Variants in PRKG1 observed in about 807,000 individuals in gnomAD.
The protein encoded by PRKG1 is protein kinase cGMP-dependent 1.
In PRKG1, 35 loss-of-function variants were observed where a neutral mutation model predicts 88.1. The observed-to-expected ratio is 0.40, with a 90% CI of 0.30 to 0.53. The LOEUF is 0.53. Among genes scored for constraint, PRKG1 ranks in the 20% least tolerant of loss-of-function variants. PRKG1 has a pLI of 0.59. For missense variants in PRKG1, 540 were observed against 839.8 expected (o/e 0.64, Z 4.41); for synonymous variants, 303 against 292.5 (o/e 1.04, Z -0.37).
intron 3 of PRKG1, among the ~76,000 whole-genome samples, chr10:51,535,064 G>T (rs1410492187): frequency 6.6e-6 from 1 of 152,144 alleles, no homozygotes; most frequent in Non-Finnish European, 1.5e-5. Context: ...GGAAAGGATA[G>T]GGGTACTTTG....
intron 1 of PRKG1, among the ~76,000 whole-genome samples, chr10:51,094,639 T>C (rs1844486146): frequency 6.6e-6 from 1 of 151,864 alleles, no homozygotes; most frequent in Non-Finnish European, 1.5e-5. Context: ...CAGCGCTCCA[T>C]AAAAAAACGT....
At chr10:51,767,160 C>A (rs1215049775) in intron 3 of PRKG1, among the ~76,000 whole-genome samples, 3 of 152,118 alleles carry the variant, frequency 2.0e-5, no homozygotes, top group Non-Finnish European at 4.4e-5. Flanking sequence ...TTACACAGAT[C>A]TCCCCGTTTT....
chr10:51,876,522 T>C (rs1403117219), intron 4 of PRKG1, among the ~76,000 whole-genome samples: 1 of 152,252 alleles, frequency 6.6e-6, no homozygotes, highest in African/African-American at 2.4e-5. Flanking sequence ...TTTTTGTTTG[T>C]TTGCTTGCTT....
At chr10:51,858,369 A>C in intron 4 of PRKG1, among the ~76,000 whole-genome samples, 1 of 27,534 alleles carries the variant, frequency 3.6e-5, no homozygotes, top group South Asian at 1.5e-3. Context: ...ATTATATATA[A>C]TATATATAAA....
chr10:51,523,315 A>C (rs1481517745), intron 3 of PRKG1, among the ~76,000 whole-genome samples: 2 of 152,200 alleles, frequency 1.3e-5, no homozygotes, highest in Admixed American at 1.3e-4. Flanking sequence ...AACGGTAATA[A>C]GATGGCTGTG....
chr10:52,293,966 A>T lies in PRKG1; in HGVS notation c.*66A>T, dbSNP rs909628012. ...TTTTCTGAGACACAGCTGCCAGCAAACCTGAGGGAAAGAGAGAAGATTAGT... is the reference window on the plus strand; with the variant it reads ...TTTTCTGAGACACAGCTGCCAGCAATCCTGAGGGAAAGAGAGAAGATTAGT... On this transcript the variant is annotated 3_prime_UTR_variant, in exon 18 of 18. Coordinates refer to ENST00000373980, the MANE Select transcript of PRKG1 (RefSeq NM_006258.4). 100 of 1,353,306 alleles carry T rather than the reference A, an allele frequency of 7.4e-5. No individual in the cohort carries two copies. The highest frequency in any genetic ancestry group is 7.3e-4 in the Middle Eastern group (4 of 5,456). The allele number at this position is 1,353,306 out of a possible 1,614,324, so 83.8% of individuals were successfully genotyped here. A position where few individuals can be genotyped will look rare whatever the true frequency, so the allele number is the denominator to read the frequency against.
intron 4 of PRKG1, among the ~76,000 whole-genome samples, chr10:51,884,402 G>A (rs564718605): frequency 4.8e-4 from 54 of 112,014 alleles, no homozygotes; most frequent in African/African-American, 1.7e-3. Flanking sequence ...TCGAGATCGC[G>A]CCACTGCACT....
At chr10:51,180,250 A>G (rs887077888) in intron 2 of PRKG1, among the ~76,000 whole-genome samples, 1 of 152,148 alleles carries the variant, frequency 6.6e-6, no homozygotes, top group African/African-American at 2.4e-5. Flanking sequence ...AGATCATCCT[A>G]TGGAGACTTA....
At chr10:52,166,839 G>GTGTATATA (rs1554812323) in intron 9 of PRKG1, among the ~76,000 whole-genome samples, 1 of 90,484 alleles carries the variant, frequency 1.1e-5, no homozygotes, top group African/African-American at 4.7e-5. Flanking sequence ...GTATATATAT[G>GTGTATATA]TATATATATG....
chr10:51,281,878 A>G (rs1424697031), intron 2 of PRKG1, among the ~76,000 whole-genome samples: 2 of 152,352 alleles, frequency 1.3e-5, no homozygotes, highest in African/African-American at 2.4e-5. Context: ...TCTGCTCATT[A>G]GAGTCACCTG....
At chr10:51,850,572 A>C (rs1482281200) in intron 4 of PRKG1, among the ~76,000 whole-genome samples, 1 of 152,046 alleles carries the variant, frequency 6.6e-6, no homozygotes, top group African/African-American at 2.4e-5. Context: ...GCCAATAATA[A>C]ACTGAGGGAA....
At chr10:51,065,062 T>G (rs2132788515) in intron 1 of PRKG1, among the ~76,000 whole-genome samples, 1 of 152,222 alleles carries the variant, frequency 6.6e-6, no homozygotes, top group South Asian at 2.1e-4. Context: ...ATCACAGAAG[T>G]TATTAAGTAT....
At chr10:51,773,895 A>G (rs1415902043) in intron 3 of PRKG1, among the ~76,000 whole-genome samples, 1 of 152,086 alleles carries the variant, frequency 6.6e-6, no homozygotes, top group African/African-American at 2.4e-5. Context: ...CAACTATGTC[A>G]TTTTCACCCT....
In PRKG1 at chr10:52,193,316, G is replaced by A. The variant is rs1025923280; in HGVS notation, c.1076+31353G>A. Among the ~76,000 whole-genome samples, 16 of 152,030 alleles carry A rather than the reference G, an allele frequency of 1.1e-4. 1 individual carries two copies. In the South Asian group the frequency reaches 1.5e-3, roughly 14 times the overall value. ...TCCCAGCACTTTGGGAAGCAGAGACGGGTGGATCACCTGAGGTCAGGAGTT... is the reference window on the plus strand; with the variant it reads ...TCCCAGCACTTTGGGAAGCAGAGACAGGTGGATCACCTGAGGTCAGGAGTT... On this transcript the variant is annotated intron_variant, in intron 9 of 17. Coordinates refer to ENST00000373980, the MANE Select transcript of PRKG1 (RefSeq NM_006258.4).
chr10:51,843,572 T>G (rs554883798), intron 4 of PRKG1, among the ~76,000 whole-genome samples: 1 of 152,308 alleles, frequency 6.6e-6, no homozygotes, highest in East Asian at 1.9e-4. Context: ...TCGTTTAGCG[T>G]TCAGCTTTAA....
intron 4 of PRKG1, among the ~76,000 whole-genome samples, chr10:51,847,484 G>C (rs367941181): frequency 8.6e-5 from 13 of 151,964 alleles, no homozygotes; most frequent in East Asian, 7.8e-4. Context: ...AATCTAAAAT[G>C]AGAAAACCAA....
At chr10:51,986,362 T>C (rs2133119097) in intron 5 of PRKG1, among the ~76,000 whole-genome samples, 1 of 152,318 alleles carries the variant, frequency 6.6e-6, no homozygotes, top group South Asian at 2.1e-4. Context: ...AGAATAATTA[T>C]ATTAACATAG....
At chr10:52,260,729 A>AACT (rs1017473447) in intron 10 of PRKG1, among the ~76,000 whole-genome samples, 1 of 151,628 alleles carries the variant, frequency 6.6e-6, no homozygotes, top group East Asian at 1.9e-4. Context: ...TGAAAAAAAT[A>AACT]AAGTGTATTA....
chr10:51,808,415 G>A (rs1053479575), intron 4 of PRKG1, among the ~76,000 whole-genome samples: 1 of 152,084 alleles, frequency 6.6e-6, no homozygotes, highest in African/African-American at 2.4e-5. Context: ...TGGTCAACAT[G>A]TGCAACCCTG....
Sources: allele counts gnomAD v4.1 joint callset (sites outside exome capture counted in the v4.1 genomes callset), GRCh38; gene constraint gnomAD v4.1.1; transcripts MANE v1.5; gene names NCBI Gene and HGNC (gene_info 2026-07-23, HGNC 2026-07-21).